NRAP: variants seen among roughly 807,000 people sequenced by gnomAD.
NRAP encodes nebulin related anchoring protein.
In NRAP, 189 loss-of-function variants were observed where a neutral mutation model predicts 225.9. The ratio of observed to expected loss-of-function variants is 0.84; its 90% confidence interval spans 0.74 to 0.94. The LOEUF is 0.94. Ranked by LOEUF, NRAP falls within the 40% of genes least tolerant of loss-of-function variation. The probability of loss-of-function intolerance (pLI) is 0.00; values close to 1 mark genes in which losing one functional copy is unlikely to be tolerated. For missense variants in NRAP, 2,176 were observed against 2,168.7 expected (o/e 1.00, Z -0.07); for synonymous variants, 769 against 790.7 (o/e 0.97, Z 0.46).
chr10:113,645,668 C>T (rs372486815), intron 11 of NRAP, among the ~76,000 whole-genome samples, 157 bp downstream of exon 11: 4 of 152,300 alleles, frequency 2.6e-5, no homozygotes, highest in African/African-American at 7.2e-5. Flanking sequence ...CTGCCTGCCT[C>T]GGCCTCCCAA....
At chr10:113,652,332 T>A (rs1260627480) in intron 6 of NRAP, among the ~76,000 whole-genome samples, 1 of 152,188 alleles carries the variant, frequency 6.6e-6, no homozygotes, top group Non-Finnish European at 1.5e-5. Flanking sequence ...CCGGTGAACC[T>A]GACATCCAGT....
At chr10:113,647,990 G>A (rs1274856986) in intron 9 of NRAP, among the ~76,000 whole-genome samples, 1 of 152,186 alleles carries the variant, frequency 6.6e-6, no homozygotes, top group Admixed American at 6.5e-5. Context: ...ACCCAGCTTA[G>A]GGACAGTCTC....
chr10:113,606,904 A>G (rs1592748844), intron 32 of NRAP, among the ~76,000 whole-genome samples: 1 of 151,934 alleles, frequency 6.6e-6, no homozygotes, highest in African/African-American at 2.4e-5. Flanking sequence ...CGTCTCTACT[A>G]AAAATACAAA....
At chr10:113,637,214 C>A (rs1380095746) in intron 14 of NRAP, among the ~76,000 whole-genome samples, 1 of 152,126 alleles carries the variant, frequency 6.6e-6, no homozygotes, top group East Asian at 1.9e-4. Context: ...ATTCCAAGTA[C>A]ATCATGCATG....
At position 113,622,081 on chromosome 10, in the gene NRAP, T is replaced by G; in HGVS notation, c.2557A>C (p.Lys853Gln). 1 of 1,614,186 alleles carries G rather than the reference T, an allele frequency of 6.2e-7. No individual in the cohort carries two copies. The highest frequency in any genetic ancestry group is 8.5e-7 in the Non-Finnish European group (1 of 1,179,996). ...TTGTACTCCAGCTCACTCTGCAGCT[T>G]GGACATTTGCAGTGAGTGGCTCATT... ...SQMSHSLQMSKLQSELEYKKG... is the reference protein window; with the variant it reads ...SQMSHSLQMSQLQSELEYKKG... Residue 853 changes from lysine to glutamine, a missense_variant, in exon 24 of 42, where the codon AAG becomes CAG. Around this residue, in one of 3 missense-constraint regions of NRAP, gnomAD observed 1,708 missense variants for 1,695.5 expected, o/e 1.01. Coordinates refer to ENST00000359988, the MANE Select transcript of NRAP (RefSeq NM_198060.4).
chr10:113,608,606 G>A lies in NRAP; in HGVS notation c.3604-94C>T, dbSNP rs533818249. 1.1e-3 allele frequency: 850 copies of A among 785,218 alleles called. 1 individual carries two copies. The highest frequency in any genetic ancestry group is 1.6e-3 in the Non-Finnish European group (740 of 469,096). 48.6% of individuals were successfully genotyped at this position (785,218 alleles called of 1,614,324 possible). ...CTTTAAGTATTAGCCATAAAGCCTC[G>A]TTTTGCAAAGGCTGCAAGTCTATCA... On this transcript the variant is annotated intron_variant, in intron 31 of 41. Transcript: ENST00000359988.
In NRAP at chr10:113,657,533, A is replaced by C; in HGVS notation, c.297T>G (p.Phe99Leu). ...TATCCTTGGATTTCATGTCCCAGTGAAAAACTGATTTACACTGTTCACCAT... is the reference window on the plus strand; with the variant it reads ...TATCCTTGGATTTCATGTCCCAGTGCAAAACTGATTTACACTGTTCACCAT... ...QEDGEQCKSV[F>L]HWDMKSKDKE... Residue 99 changes from phenylalanine to leucine, a missense_variant, in exon 4 of 42, where the codon TTT becomes TTG. By Grantham distance (22) the Phe-to-Leu change is conservative. Around this residue, in one of 3 missense-constraint regions of NRAP, gnomAD observed 1,708 missense variants for 1,695.5 expected, o/e 1.01. Transcript: ENST00000359988. The C allele has an allele frequency of 6.2e-7, 1 of 1,604,946 alleles. No individual in the cohort carries two copies. The highest frequency in any genetic ancestry group is 8.5e-7 in the Non-Finnish European group (1 of 1,171,628).
At chr10:113,648,878 G>C (rs946356579) in intron 9 of NRAP, among the ~76,000 whole-genome samples, 2 of 152,100 alleles carry the variant, frequency 1.3e-5, no homozygotes, top group African/African-American at 2.4e-5. Context: ...ACATGTCTAG[G>C]TACACATATG....
rs112218374 is a variant in NRAP, at chr10:113,595,622, C to T, written c.4536+1G>A. On this transcript the variant is annotated splice_donor_variant, in intron 38 of 41. Transcript: ENST00000359988. LOFTEE classifies it high-confidence loss of function. ...GTTCCATGAACCACCAGTTCACTTA[C>T]GTCACTCAGATGCAGCGCATTGAGG... 1.3e-5 allele frequency: 20 copies of T among 1,592,034 alleles called. No homozygotes were observed. The highest frequency in any genetic ancestry group is 6.7e-5 in the East Asian group (3 of 44,802).
chr10:113,613,028 T>C lies in NRAP; in HGVS notation c.3301-597A>G, dbSNP rs576588601. On this transcript the variant is annotated intron_variant, in intron 29 of 41. Transcript: ENST00000359988. Reference sequence around the variant, plus strand: ...AGACCATAGATTCGACTATAGTCCTTGGAGGAGCTGTGTTTAAAGGTCTGG... The same window carrying C: ...AGACCATAGATTCGACTATAGTCCTCGGAGGAGCTGTGTTTAAAGGTCTGG... Among the ~76,000 whole-genome samples the C allele has an allele frequency of 4.6e-5, 7 of 152,242 alleles. 1 individual carries two copies. In the Middle Eastern group the frequency reaches 0.02, roughly 444 times the overall value.
At chr10:113,617,032 G>A (rs774200744) in intron 26 of NRAP, among the ~76,000 whole-genome samples, 4 of 152,134 alleles carry the variant, frequency 2.6e-5, no homozygotes, top group Non-Finnish European at 5.9e-5. Context: ...CATGTTCAAA[G>A]TCTCTGGGAA....
intron 39 of NRAP, among the ~76,000 whole-genome samples, chr10:113,591,621 C>A (rs1200279820): frequency 2.0e-5 from 3 of 152,240 alleles, no homozygotes; most frequent in Non-Finnish European, 4.4e-5. Context: ...ACTGTGGACA[C>A]TTGTCTAGTC....
In NRAP at chr10:113,658,190, T is replaced by C. The variant is rs11196407; in HGVS notation, c.256-616A>G. Among the ~76,000 whole-genome samples, 96 of 152,310 alleles carry C rather than the reference T, an allele frequency of 6.3e-4. No homozygotes were observed. The East Asian group carries it at 0.017, about 26-fold the overall frequency. ...CGTGCAGCCCTATTTCTGGACCTTG[T>C]GTTGGAGTCCACTGGTCTATTTCTC... is the stretch of plus-strand genomic sequence containing the variant. On this transcript the variant is annotated intron_variant, in intron 3 of 41. Transcript: ENST00000359988.
chr10:113,635,175 TATATGCATC>T (rs1358359156), intron 14 of NRAP, among the ~76,000 whole-genome samples: 2 of 152,182 alleles, frequency 1.3e-5, no homozygotes, highest in African/African-American at 4.8e-5. Context: ...CACACAAGAA[TATATGCATC>T]ATATGCATCC....
intron 33 of NRAP, 120 bp downstream of exon 33, chr10:113,606,058 T>G (rs767298605): frequency 1.8e-5 from 15 of 835,648 alleles, no homozygotes; most frequent in Non-Finnish European, 2.7e-5. Flanking sequence ...CATGAGCATC[T>G]AAGCTACACA....
rs112990122 is a variant in NRAP, at chr10:113,588,827, A to G, written c.*148T>C. 2 of 669,972 alleles carry G rather than the reference A, an allele frequency of 3.0e-6. No homozygotes were observed. The highest frequency in any genetic ancestry group is 3.6e-5 in the African/African-American group (2 of 55,502). 41.5% of individuals were successfully genotyped at this position (669,972 alleles called of 1,614,324 possible). Reference sequence around the variant, plus strand: ...GAGGACCACAAATACAACATTCTCCATCTGCTTTCAGAGTTATTATTTTAA... The same window carrying G: ...GAGGACCACAAATACAACATTCTCCGTCTGCTTTCAGAGTTATTATTTTAA... On this transcript the variant is annotated 3_prime_UTR_variant, in exon 42 of 42. Transcript: ENST00000359988.
At position 113,588,991 on chromosome 10, in the gene NRAP, T is replaced by G. The variant is rs148467563; in HGVS notation, c.5177A>C (p.Lys1726Thr). Residue 1726 changes from lysine to threonine, a missense_variant, in exon 42 of 42, where the codon AAG (lysine) becomes ACG (threonine). Lys to Thr is a moderately conservative substitution (Grantham distance 78, BLOSUM62 -1). This residue lies in a region of NRAP where 445 missense variants were observed against 426.1 expected (regional missense o/e 1.04). Coordinates refer to ENST00000359988, the MANE Select transcript of NRAP (RefSeq NM_198060.4). ...ATEILHVKKK[K>T]ALLL ...GGACATGGCTCACAACAGCAGGGCC[T>G]TCTTCTTTTTGACGTGCAGAATCTC... 21 of 1,608,160 alleles carry G rather than the reference T, an allele frequency of 1.3e-5. No individual in the cohort carries two copies. In the East Asian group the frequency reaches 1.3e-4, roughly 10 times the overall value.
In NRAP at chr10:113,606,332, AT is replaced by A. The variant is rs562962824; in HGVS notation, c.3703-51del. On this transcript the variant is annotated intron_variant, in intron 32 of 41. Coordinates refer to ENST00000359988, the MANE Select transcript of NRAP (RefSeq NM_198060.4). ...ATAATGCAAGAGATAAGTGCTGTGC[AT>A]TTCTGCAGTGCTGGAAGTCCCTCAA... 2.2e-3 allele frequency: 2,539 copies of A among 1,180,386 alleles called. 11 individuals are homozygous for A. The highest frequency in any genetic ancestry group is 2.7e-3 in the Non-Finnish European group (2,144 of 793,412). The allele number at this position is 1,180,386 out of a possible 1,614,324, so 73.1% of individuals were successfully genotyped here.
At chr10:113,658,724 T>C (rs1034027373) in intron 3 of NRAP, among the ~76,000 whole-genome samples, 5 of 151,410 alleles carry the variant, frequency 3.3e-5, no homozygotes, top group South Asian at 4.2e-4. Flanking sequence ...CTACTAAAAA[T>C]AGAAAAAATT....
Sources: gnomAD v4.1 joint callset for allele counts (sites outside exome capture counted in the v4.1 genomes callset) on GRCh38, gnomAD v4.1.1 for gene constraint, gnomAD v4.1.1 regional missense constraint, MANE v1.5 for transcripts, NCBI Gene and HGNC (gene_info 2026-07-23, HGNC 2026-07-21) for gene names.